Variants in SLC47A1 observed in about 807,000 individuals in gnomAD.
The protein encoded by SLC47A1 is solute carrier family 47 member 1.
Under a neutral mutation model 65.8 loss-of-function variants are expected in SLC47A1, and 58 were observed. That is an observed-to-expected ratio of 0.88 (90% CI 0.71 to 1.10). The LOEUF (loss-of-function observed/expected upper bound fraction) is 1.10. Ranked by LOEUF, SLC47A1 falls within the 50% of genes least tolerant of loss-of-function variation. SLC47A1 has a pLI of 0.00. For missense variants in SLC47A1, 706 were observed against 719.2 expected (o/e 0.98, Z 0.21); for synonymous variants, 285 against 295.0 (o/e 0.97, Z 0.35).
chr17:19,571,569 G>T lies in SLC47A1; in HGVS notation c.1401G>T (p.Gln467His), dbSNP rs781047323. ...IIQLNWKKAC[Q>H]QAQVHANLKV... is the part of the protein sequence containing the mutation. ...AGCTAAATTGGAAAAAAGCCTGTCA[G>T]CAGGTAACTATGTTCATTCTGTCCC... Residue 467 changes from glutamine (Q) to histidine (H), a missense_variant, in exon 15 of 17, where the codon CAG (glutamine) becomes CAT (histidine). Gln to His is a conservative substitution (Grantham distance 24). Transcript: ENST00000270570. 2 of 1,612,502 alleles carry T rather than the reference G, an allele frequency of 1.2e-6. No homozygotes were observed. Among genetic ancestry groups the T allele is most frequent in the Non-Finnish European group, 1.7e-6 (2 of 1,178,700 alleles).
At chr17:19,547,528 AT>A (rs552442327) in intron 3 of SLC47A1, among the ~76,000 whole-genome samples, 4 of 150,802 alleles carry the variant, frequency 2.7e-5, no homozygotes, top group East Asian at 1.9e-4. Flanking sequence ...TTTAAATATA[AT>A]TTTTTTTTAA....
At position 19,565,054 on chromosome 17, in the gene SLC47A1, A is replaced by G. The variant is rs192752845; in HGVS notation, c.1107-1736A>G. On this transcript the variant is annotated intron_variant, in intron 12 of 16. Transcript: ENST00000270570. ...TTTCTTATTTAGTAATTAAACAAGT[A>G]TTTATTGGGAGACAGTCTTCTAGGT... 2.7e-3 allele frequency among the ~76,000 whole-genome samples: 405 copies of G among 152,264 alleles called. 2 individuals are homozygous for G. Among genetic ancestry groups the G allele is most frequent in the African/African-American group, 9.1e-3 (379 of 41,556 alleles).
At chr17:19,544,711 G>A (rs988067937) in intron 2 of SLC47A1, among the ~76,000 whole-genome samples, 3 of 152,224 alleles carry the variant, frequency 2.0e-5, no homozygotes, top group African/African-American at 4.8e-5. Context: ...TCCAGCAGGC[G>A]GACTTTTCTG....
intron 14 of SLC47A1, among the ~76,000 whole-genome samples, chr17:19,569,227 C>T (rs1044050405): frequency 5.3e-5 from 8 of 151,948 alleles, no homozygotes; most frequent in African/African-American, 1.7e-4. Flanking sequence ...CAAAAATTAG[C>T]CAGGTGTGGT....
rs560574447 is a variant in SLC47A1, at chr17:19,542,643, A to G, written c.237+149A>G. The G allele has an allele frequency of 3.7e-5, 21 of 574,920 alleles. No individual in the cohort carries two copies. The African/African-American group carries it at 3.8e-4, about 10-fold the overall frequency. 35.6% of individuals were successfully genotyped at this position (574,920 alleles called of 1,614,324 possible). A position where few individuals can be genotyped will look rare whatever the true frequency, so the allele number is the denominator to read the frequency against. On this transcript the variant is annotated intron_variant, in intron 2 of 16. Coordinates refer to ENST00000270570, the MANE Select transcript of SLC47A1 (RefSeq NM_018242.3). ...AGTGCAGAAGTCTGAAGTGGGTTTC[A>G]TGGCCTAAAATCAAGGTGCTGCAAC...
At chr17:19,556,117 C>G in intron 10 of SLC47A1, 55 bp downstream of exon 10, 1 of 1,583,464 alleles carries the variant, frequency 6.3e-7, no homozygotes, top group South Asian at 1.1e-5. Flanking sequence ...TGCTTGGTAT[C>G]TGAAAGAGTC....
chr17:19,577,341 C>T lies in SLC47A1; in HGVS notation c.1501C>T (p.Leu501Phe), dbSNP rs752290923. Residue 501 changes from leucine (L) to phenylalanine (F), a missense_variant, in exon 17 of 17, where the codon CTT becomes TTT. Transcript: ENST00000270570. Reference sequence around the variant, plus strand: ...TTTCCTCCCAGGGTGCCCTGAAAACCTTGAAGGAATTTTAACGAACGATGT... The same window carrying T: ...TTTCCTCCCAGGGTGCCCTGAAAACTTTGAAGGAATTTTAACGAACGATGT... ...DPLHPGCPEN[L>F]EGILTNDVGK... is the part of the protein sequence containing the mutation. The T allele has an allele frequency of 6.2e-7, 1 of 1,614,018 alleles. No individual in the cohort carries two copies. Among genetic ancestry groups the T allele is most frequent in the Non-Finnish European group, 8.5e-7 (1 of 1,179,990 alleles).
intron 6 of SLC47A1, among the ~76,000 whole-genome samples, chr17:19,554,461 G>A (rs1916547228): frequency 6.6e-6 from 1 of 152,160 alleles, no homozygotes; most frequent in South Asian, 2.1e-4. Flanking sequence ...ATTTCAAACA[G>A]CAATGTTTCT....
intron 1 of SLC47A1, among the ~76,000 whole-genome samples, chr17:19,541,287 TACAC>T (rs1916142706): frequency 6.6e-6 from 1 of 152,028 alleles, no homozygotes; most frequent in African/African-American, 2.4e-5. Context: ...AGCAAATCCT[TACAC>T]ACCCATTCTC....
intron 10 of SLC47A1, 36 bp downstream of exon 10, chr17:19,556,098 C>A (rs545820710): frequency 6.2e-7 from 1 of 1,609,034 alleles, no homozygotes; most frequent in Non-Finnish European, 8.5e-7. Context: ...AGGTGCCAGG[C>A]GTTTTCCTTG....
rs115473784 is a variant in SLC47A1 at position 19,573,539 on chromosome 17, T to A, written c.1486+678T>A. 1.7e-3 allele frequency among the ~76,000 whole-genome samples: 253 copies of A among 151,456 alleles called. 1 individual carries two copies. The highest frequency in any genetic ancestry group is 5.3e-3 in the African/African-American group (216 of 41,130). On this transcript the variant is annotated intron_variant, in intron 16 of 16. Transcript: ENST00000270570. ...AATTAAAGAAAAACTTTTTTTTTTT[T>A]AAATAGAAAGAGGGTCTTGCCCTGT... is the stretch of plus-strand genomic sequence containing the variant.
Position 19,555,952 on chromosome 17 carries a change from G to T in SLC47A1, c.853+43G>T, listed in dbSNP as rs1307067879. The T allele has an allele frequency of 2.5e-6, 4 of 1,613,966 alleles. No homozygotes were observed. In the African/African-American group the frequency reaches 5.3e-5, roughly 22 times the overall value. On this transcript the variant is annotated intron_variant, in intron 9 of 16. Coordinates refer to ENST00000270570, the MANE Select transcript of SLC47A1 (RefSeq NM_018242.3). ...TGACGGGGACTGGTGGGAACCTGGG[G>T]GCCCTGTCTGGGTGCAAGGCGACAG...
chr17:19,577,666 T>G lies in SLC47A1; in HGVS notation c.*113T>G. ...ATGTCATTCAGGTGTGCCCATGGATTTTGAGGGCTGGAAATGCAAAGACAC... is the reference window on the plus strand; with the variant it reads ...ATGTCATTCAGGTGTGCCCATGGATGTTGAGGGCTGGAAATGCAAAGACAC... On this transcript the variant is annotated 3_prime_UTR_variant, in exon 17 of 17. Coordinates refer to ENST00000270570, the MANE Select transcript of SLC47A1 (RefSeq NM_018242.3). The G allele has an allele frequency of 6.6e-7, 1 of 1,509,690 alleles. No individual in the cohort carries two copies. The highest frequency in any genetic ancestry group is 8.8e-7 in the Non-Finnish European group (1 of 1,136,762). 93.5% of individuals were successfully genotyped at this position (1,509,690 alleles called of 1,614,324 possible). A position where few individuals can be genotyped will look rare whatever the true frequency, so the allele number is the denominator to read the frequency against.
intron 4 of SLC47A1, among the ~76,000 whole-genome samples, chr17:19,548,802 T>G (rs1356340249): frequency 6.6e-6 from 1 of 152,182 alleles, no homozygotes; most frequent in Non-Finnish European, 1.5e-5. Flanking sequence ...TCTCTTTTAA[T>G]TGGTCTGTGG....
chr17:19,573,412 C>T (rs935169082), intron 16 of SLC47A1, among the ~76,000 whole-genome samples: 1 of 152,128 alleles, frequency 6.6e-6, no homozygotes. Context: ...AGTCAGTGGT[C>T]AGTTGTGTTG....
At position 19,542,477 on chromosome 17, in the gene SLC47A1, G is replaced by A. The variant is rs776052635; in HGVS notation, c.220G>A (p.Val74Ile). ...GHLGKLELDAVTLAIAVINVT... is the reference protein window; with the variant it reads ...GHLGKLELDAITLAIAVINVT... Reference sequence around the variant, plus strand: ...CCTGGGCAAGCTGGAGCTGGATGCAGTCACGCTGGCAATCGCGGTACGTGT... The same window carrying A: ...CCTGGGCAAGCTGGAGCTGGATGCAATCACGCTGGCAATCGCGGTACGTGT... The change falls in exon 2 of 17, where the codon GTC becomes ATC. Residue 74 changes from valine (V) to isoleucine (I), a missense_variant. Val to Ile is a conservative substitution (Grantham distance 29). Transcript: ENST00000270570. 6.2e-7 allele frequency: 1 copy of A among 1,612,574 alleles called. No individual in the cohort carries two copies. The highest frequency in any genetic ancestry group is 1.1e-5 in the South Asian group (1 of 90,844).
At position 19,546,557 on chromosome 17, in the gene SLC47A1, G is replaced by T. The variant is rs1027204436; in HGVS notation, c.306+54G>T. On this transcript the variant is annotated intron_variant, in intron 3 of 16. Coordinates refer to ENST00000270570, the MANE Select transcript of SLC47A1 (RefSeq NM_018242.3). Reference sequence around the variant, plus strand: ...TGACCTCAAACATCTTTTCTCAAGTGTAGATGGAAGAGCTCCACTGGCAGG... The same window carrying T: ...TGACCTCAAACATCTTTTCTCAAGTTTAGATGGAAGAGCTCCACTGGCAGG... 1.9e-6 allele frequency: 3 copies of T among 1,554,808 alleles called. No individual in the cohort carries two copies. The East Asian group carries it at 6.8e-5, about 35-fold the overall frequency.
rs144308134 is a variant in SLC47A1, at chr17:19,540,849, G to GACACACACACACACACACACACACAC, written c.136-1541_136-1516dup. On this transcript the variant is annotated intron_variant, in intron 1 of 16. Transcript: ENST00000270570. Reference sequence around the variant, plus strand: ...CAAGAAAGATACTTCTCCTACAACAGACACACACACACACACACACACACA... The same window carrying GACACACACACACACACACACACACAC: ...CAAGAAAGATACTTCTCCTACAACAGACACACACACACACACACACACACACACACACACACACACACACACACACA... Among the ~76,000 whole-genome samples the GACACACACACACACACACACACACAC allele has an allele frequency of 9.8e-5, 14 of 143,006 alleles. No homozygotes were observed. The East Asian group carries it at 1.1e-3, about 11-fold the overall frequency. The allele number at this position is 143,006 out of a possible 152,430, so 93.8% of individuals were successfully genotyped here. A position where few individuals can be genotyped will look rare whatever the true frequency, so the allele number is the denominator to read the frequency against.
intron 7 of SLC47A1, 78 bp downstream of exon 7, chr17:19,555,387 C>T (rs971167850): frequency 2.0e-6 from 3 of 1,481,834 alleles, no homozygotes; most frequent in East Asian, 2.3e-5. Flanking sequence ...AGAGTGGGCT[C>T]TTCAGCTGGT....
Sources: allele counts gnomAD v4.1 joint callset (sites outside exome capture counted in the v4.1 genomes callset), GRCh38; gene constraint gnomAD v4.1.1; transcripts MANE v1.5; gene names NCBI Gene and HGNC (gene_info 2026-07-23, HGNC 2026-07-21).